Variants in CNBD1 observed in about 807,000 individuals in gnomAD.
CNBD1 encodes cyclic nucleotide-binding domain-containing protein 1.
Under a neutral mutation model 54.4 loss-of-function variants are expected in CNBD1, and 71 were observed. The ratio of observed to expected loss-of-function variants is 1.30; its 90% CI spans 1.08 to 1.59. The LOEUF (loss-of-function observed/expected upper bound fraction) is 1.59, where lower values mean the gene tolerates loss of function less well. CNBD1 is among the 40% of genes most tolerant of loss of function. CNBD1 has a pLI of 0.00. For missense variants in CNBD1, 659 were observed against 518.0 expected (o/e 1.27, Z -2.64); for synonymous variants, 182 against 170.7 (o/e 1.07, Z -0.51).
At chr8:87,261,790 T>A (rs1423241579) in intron 6 of CNBD1, among the ~76,000 whole-genome samples, 1 of 152,120 alleles carries the variant, frequency 6.6e-6, no homozygotes, top group Non-Finnish European at 1.5e-5. Flanking sequence ...AATATAGTAG[T>A]ACAGAGTCCT....
At chr8:86,982,525 T>C (rs1808510360) in intron 4 of CNBD1, among the ~76,000 whole-genome samples, 1 of 152,220 alleles carries the variant, frequency 6.6e-6, no homozygotes, top group Non-Finnish European at 1.5e-5. Context: ...AAATAGGCAG[T>C]ATGATTTGTT....
intron 4 of CNBD1, among the ~76,000 whole-genome samples, chr8:87,108,617 T>C (rs1018106702): frequency 2.0e-5 from 3 of 152,192 alleles, no homozygotes; most frequent in Non-Finnish European, 2.9e-5. Flanking sequence ...AGAAGGTGTG[T>C]TGGAGGAAGG....
rs188024798 is a variant in CNBD1 at position 87,376,110 on chromosome 8, A to G, written c.1304-6510A>G. ...CAGCTTGTTCTATCACTTACTGTAG[A>G]CTGTGACTGTAAAGGAAATATAGTT... On this transcript the variant is annotated intron_variant, in intron 10 of 10. Transcript: ENST00000518476. 7.9e-5 allele frequency among the ~76,000 whole-genome samples: 12 copies of G among 152,056 alleles called. No individual in the cohort carries two copies. The East Asian group carries it at 2.3e-3, about 30-fold the overall frequency.
At chr8:87,139,648 G>C (rs1416178562) in intron 4 of CNBD1, among the ~76,000 whole-genome samples, 1 of 152,110 alleles carries the variant, frequency 6.6e-6, no homozygotes, top group Non-Finnish European at 1.5e-5. Flanking sequence ...TTGGCTTGAA[G>C]GTGTCTCATG....
chr8:87,132,499 A>G (rs1260382981), intron 4 of CNBD1, among the ~76,000 whole-genome samples: 2 of 150,408 alleles, frequency 1.3e-5, no homozygotes, highest in African/African-American at 4.9e-5. Context: ...CTTGGACATA[A>G]TTTTTTTTAT....
downstream of CNBD1, among the ~76,000 whole-genome samples, chr8:87,383,339 T>A (rs1233182725): frequency 6.6e-6 from 1 of 152,122 alleles, no homozygotes; most frequent in Non-Finnish European, 1.5e-5. Flanking sequence ...CCATGCCCAT[T>A]TGATAGTCCT....
rs1195573450 is a variant in CNBD1 at position 87,001,420 on chromosome 8, T to G, written c.431+61666T>G. Among the ~76,000 whole-genome samples, 3 of 152,162 alleles carry G rather than the reference T, an allele frequency of 2.0e-5. No homozygotes were observed. The East Asian group carries it at 5.8e-4, about 29-fold the overall frequency. On this transcript the variant is annotated intron_variant, in intron 4 of 10. Transcript: ENST00000518476. ...GAAGAGGATATGTGCCTCTACACTC[T>G]CTAGATAAGTTACTGTTTCTTTTCC...
At position 86,924,457 on chromosome 8, in the gene CNBD1, G is replaced by A. The variant is rs140080423; in HGVS notation, c.273-15139G>A. On this transcript the variant is annotated intron_variant, in intron 3 of 10. Transcript: ENST00000518476. ...GAATGCTAAACAAAATCAAAGATCC[G>A]TTAAAATTAGATAATGTAGATTTGT... Among the ~76,000 whole-genome samples, 878 of 152,176 alleles carry A rather than the reference G, an allele frequency of 5.8e-3. 32 individuals are homozygous for A. The highest frequency in any genetic ancestry group is 0.05 in the Admixed American group (759 of 15,272).
chr8:87,317,234 T>G (rs1161624915), intron 8 of CNBD1, among the ~76,000 whole-genome samples: 1 of 151,766 alleles, frequency 6.6e-6, no homozygotes, highest in African/African-American at 2.4e-5. Flanking sequence ...TCTGTTTGTT[T>G]GGGGTTTAAT....
intron 1 of CNBD1, among the ~76,000 whole-genome samples, chr8:86,873,666 T>G (rs1183475156): frequency 2.0e-5 from 3 of 152,060 alleles, no homozygotes; most frequent in Admixed American, 1.3e-4. Context: ...AATCTTCCCC[T>G]TGAATTTATG....
At chr8:87,292,297 G>C (rs1362753734) in intron 8 of CNBD1, among the ~76,000 whole-genome samples, 2 of 152,090 alleles carry the variant, frequency 1.3e-5, no homozygotes, top group African/African-American at 2.4e-5. Context: ...TTTAAGGTGA[G>C]GTTAAATAAG....
At chr8:87,389,019 A>T (rs1811252048) in intron 2 of CNBD1, among the ~76,000 whole-genome samples, 1 of 152,218 alleles carries the variant, frequency 6.6e-6, no homozygotes. Flanking sequence ...ATCTCAATAG[A>T]TGCAGAAAAG....
In CNBD1 at chr8:87,411,397, C is replaced by CATATATACATATAT. The variant is rs1554588016; in HGVS notation, c.214-17142_214-17141insCATATATATATATA. 2.3e-3 allele frequency among the ~76,000 whole-genome samples: 214 copies of CATATATACATATAT among 92,394 alleles called. 7 individuals carry two copies. The highest frequency in any genetic ancestry group is 8.6e-3 in the African/African-American group (197 of 23,040). 60.6% of individuals were successfully genotyped at this position (92,394 alleles called of 152,430 possible). A position where few individuals can be genotyped will look rare whatever the true frequency, so the allele number is the denominator to read the frequency against. ...ATAGGCAGGATTAACCTAGCTATAT[C>CATATATACATATAT]ATATATATATATATATATATATATA... On this transcript the variant is annotated intron_variant, in intron 2 of 7. Coordinates refer to the CNBD1 transcript ENST00000521593.
chr8:86,900,193 C>T (rs192749972), intron 2 of CNBD1, among the ~76,000 whole-genome samples: 8 of 150,518 alleles, frequency 5.3e-5, no homozygotes, highest in East Asian at 1.9e-4. Flanking sequence ...GGCATGTGTG[C>T]GTATAAGGTA....
At position 87,378,954 on chromosome 8, in the gene CNBD1, TTGTC is replaced by T. The variant is rs1386014902; in HGVS notation, c.1304-3662_1304-3659del. On this transcript the variant is annotated intron_variant, in intron 10 of 10. Coordinates refer to ENST00000518476, the MANE Select transcript of CNBD1 (RefSeq NM_173538.3). The stretch of plus-strand genomic sequence containing the variant: ...GTTCACTCATGATTTGGCTCTCTGT[TTGTC>T]TGTTGTTGGTGTATAGGAATGCTTG... Among the ~76,000 whole-genome samples the T allele has an allele frequency of 1.3e-4, 20 of 149,424 alleles. 1 individual carries two copies. The highest frequency in any genetic ancestry group is 5.0e-4 in the African/African-American group (20 of 40,116).
At chr8:87,000,878 A>G (rs1586190474) in intron 4 of CNBD1, among the ~76,000 whole-genome samples, 3 of 152,252 alleles carry the variant, frequency 2.0e-5, no homozygotes, top group South Asian at 2.1e-4. Flanking sequence ...AAGTTTATCC[A>G]TATAAGTAGA....
chr8:86,883,063 T>G (rs1808627492), intron 1 of CNBD1, among the ~76,000 whole-genome samples: 1 of 152,100 alleles, frequency 6.6e-6, no homozygotes, highest in South Asian at 2.1e-4. Flanking sequence ...AAAAAATAAC[T>G]AATGGATACT....
intron 4 of CNBD1, among the ~76,000 whole-genome samples, chr8:87,011,147 C>T (rs1586196719): frequency 6.8e-6 from 1 of 146,982 alleles, no homozygotes; most frequent in South Asian, 2.2e-4. Flanking sequence ...GTAGGGTTTT[C>T]AGTTTAAAAA....
intron 4 of CNBD1, among the ~76,000 whole-genome samples, chr8:87,046,982 G>A (rs1019830261): frequency 4.6e-5 from 7 of 152,184 alleles, no homozygotes; most frequent in Non-Finnish European, 7.3e-5. Context: ...GAGGAGTTAC[G>A]CAGGGGCTGC....
Sources: allele counts gnomAD v4.1 joint callset (sites outside exome capture counted in the v4.1 genomes callset), GRCh38; gene constraint gnomAD v4.1.1; transcripts MANE v1.5; gene names NCBI Gene and HGNC (gene_info 2026-07-23, HGNC 2026-07-21).